The following PKNOX1 variants were observed in gnomAD, a reference collection of about 807,000 sequenced individuals.
PKNOX1 encodes the protein PBX/knotted 1 homeobox 1.
A neutral mutation model predicts 51.9 loss-of-function variants in PKNOX1; 15 were observed. The observed-to-expected ratio is 0.29, with a 90% CI of 0.19 to 0.45. PKNOX1 has a LOEUF of 0.45. Among genes scored for constraint, PKNOX1 ranks in the 20% least tolerant of loss-of-function variants. The pLI is 1.00. For synonymous variants in PKNOX1, 219 were observed against 211.1 expected (o/e 1.04, Z -0.32); for missense variants, 462 against 547.5 (o/e 0.84, Z 1.56).
chr21:43,008,052 A>G (rs234778), intron 3 of PKNOX1, among the ~76,000 whole-genome samples: 135,748 of 151,044 alleles, frequency 0.9, 61,112 homozygotes, highest in African/African-American at 0.92. Context: ...CAACGAGAGC[A>G]AAACTCTGTC....
chr21:43,008,097 A>AC (rs1568897484), intron 3 of PKNOX1, among the ~76,000 whole-genome samples: 5 of 151,394 alleles, frequency 3.3e-5, no homozygotes, highest in African/African-American at 1.2e-4. Flanking sequence ...ACACACACAC[A>AC]AAGATGTTAT....
At chr21:42,978,139 G>T (rs2059006983) in intron 1 of PKNOX1, among the ~76,000 whole-genome samples, 1 of 151,996 alleles carries the variant, frequency 6.6e-6, no homozygotes, top group Admixed American at 6.6e-5. Context: ...CCGAGTAGCT[G>T]GGATAACAGG....
intron 5 of PKNOX1, among the ~76,000 whole-genome samples, chr21:43,014,019 CTT>C (rs149943829): frequency 6.6e-5 from 8 of 120,410 alleles, no homozygotes; most frequent in Non-Finnish European, 1.0e-4. Context: ...TGTCTTTTGC[CTT>C]TTTTTTTTTT....
intron 1 of PKNOX1, among the ~76,000 whole-genome samples, chr21:42,977,943 T>C (rs1226756358): frequency 6.6e-6 from 1 of 152,172 alleles, no homozygotes; most frequent in Non-Finnish European, 1.5e-5. Context: ...TAAGGGAATG[T>C]TGTGGCTGGT....
intron 2 of PKNOX1, 56 bp downstream of exon 2, chr21:43,004,488 T>C: frequency 8.7e-7 from 1 of 1,151,376 alleles, no homozygotes; most frequent in Non-Finnish European, 1.3e-6. Flanking sequence ...CACTCAAGCA[T>C]GAACATTGCT....
At position 43,021,550 on chromosome 21, in the gene PKNOX1, G is replaced by A. The variant is rs565187456; in HGVS notation, c.849+119G>A. 2 of 1,213,976 alleles carry A rather than the reference G, an allele frequency of 1.6e-6. No individual in the cohort carries two copies. The highest frequency in any genetic ancestry group is 2.3e-6 in the Non-Finnish European group (2 of 881,904). 75.2% of individuals were successfully genotyped at this position (1,213,976 alleles called of 1,614,324 possible). A position where few individuals can be genotyped will look rare whatever the true frequency, so the allele number is the denominator to read the frequency against. On this transcript the variant is annotated intron_variant, in intron 8 of 10. Coordinates refer to ENST00000291547, the MANE Select transcript of PKNOX1 (RefSeq NM_004571.5). The surrounding 1 kb of genome is among the most constrained non-coding windows in gnomAD (Gnocchi z 4.6). ...CAGAAAATCAAAGGCCTGACTTTCA[G>A]GACTTTGTGGCATGTCCATAATGTG...
chr21:42,985,083 GTTCGAGCGA>G (rs2059045333), intron 1 of PKNOX1, among the ~76,000 whole-genome samples: 1 of 135,954 alleles, frequency 7.4e-6, no homozygotes, highest in Non-Finnish European at 1.5e-5. Flanking sequence ...TGTCTCCCGG[GTTCGAGCGA>G]TTCTCCTGCC....
At position 43,016,954 on chromosome 21, in the gene PKNOX1, T is replaced by G; in HGVS notation, c.569T>G (p.Val190Gly). 7 of 1,613,176 alleles carry G rather than the reference T, an allele frequency of 4.3e-6. No individual in the cohort carries two copies. The highest frequency in any genetic ancestry group is 5.9e-6 in the Non-Finnish European group (7 of 1,179,700). ...ITGTISPQGIVVPASALQQGN... is the reference protein window; with the variant it reads ...ITGTISPQGIGVPASALQQGN... ...GGCACCATCAGCCCTCAGGGAATTG[T>G]GGTGCCGGCGTCCGCGCTGCAGCAG... Residue 190 changes from valine (V) to glycine (G), a missense_variant, in exon 6 of 11, where the codon GTG (valine) becomes GGG (glycine). Around this residue, in one of 5 missense-constraint regions of PKNOX1, gnomAD observed 126 missense variants for 128.1 expected, o/e 0.98. Coordinates refer to ENST00000291547, the MANE Select transcript of PKNOX1 (RefSeq NM_004571.5).
At position 43,021,188 on chromosome 21, in the gene PKNOX1, C is replaced by T. The variant is rs368962421; in HGVS notation, c.721-115C>T. 38 of 817,046 alleles carry T rather than the reference C, an allele frequency of 4.7e-5. No homozygotes were observed. Among genetic ancestry groups the T allele is most frequent in the African/African-American group, 3.3e-4 (19 of 57,864 alleles). The allele number at this position is 817,046 out of a possible 1,614,324, so 50.6% of individuals were successfully genotyped here. On this transcript the variant is annotated intron_variant, in intron 7 of 10. Transcript: ENST00000291547. This position sits in a 1 kb window ranked among gnomAD's most constrained non-coding sequence, Gnocchi z 4.6. ...ACACAGGGTTCCCGTGCATGGGCCT[C>T]GACTACAATCATTTCCCTGTCCGAT...
intron 1 of PKNOX1, among the ~76,000 whole-genome samples, chr21:42,988,251 A>G (rs760170278): frequency 4.0e-5 from 6 of 151,732 alleles, no homozygotes; most frequent in East Asian, 3.9e-4. Context: ...GGGTTTCACT[A>G]TGTTGGCCAG....
chr21:43,028,571 A>G (rs928315169), intron 9 of PKNOX1, 131 bp from the exon 10 acceptor site: 1 of 775,314 alleles, frequency 1.3e-6, no homozygotes, highest in Non-Finnish European at 2.2e-6. Flanking sequence ...AGTAGTTACT[A>G]TAGTGGAGAA....
intron 1 of PKNOX1, among the ~76,000 whole-genome samples, chr21:42,994,854 T>A (rs985799239): frequency 1.4e-4 from 22 of 151,994 alleles, no homozygotes; most frequent in African/African-American, 5.3e-4. Flanking sequence ...ACAGTGTTTG[T>A]TTTTGAAACC....
intron 8 of PKNOX1, among the ~76,000 whole-genome samples, chr21:43,024,245 C>G (rs1249607573): frequency 1.3e-5 from 2 of 152,258 alleles, no homozygotes; most frequent in Non-Finnish European, 1.5e-5. Context: ...AATTTGTCCC[C>G]CAGCCTGCCT....
intron 7 of PKNOX1, among the ~76,000 whole-genome samples, chr21:43,020,876 G>A (rs1319921683): frequency 6.6e-6 from 1 of 152,222 alleles, no homozygotes; most frequent in Non-Finnish European, 1.5e-5. Context: ...GGCCTCTGCA[G>A]AGCCAAGTCA....
intron 1 of PKNOX1, among the ~76,000 whole-genome samples, chr21:43,003,638 A>G (rs1296398678): frequency 6.6e-6 from 1 of 152,016 alleles, no homozygotes; most frequent in Non-Finnish European, 1.5e-5. Context: ...CCCTGTGCCC[A>G]TTCTTGACCC....
At chr21:43,002,543 G>A (rs1978809874) in intron 1 of PKNOX1, among the ~76,000 whole-genome samples, 2 of 152,008 alleles carry the variant, frequency 1.3e-5, no homozygotes, top group African/African-American at 2.4e-5. Flanking sequence ...TCTGGCCATC[G>A]TGGTGGCTGA....
intron 7 of PKNOX1, among the ~76,000 whole-genome samples, chr21:43,018,806 A>T (rs1205774763): frequency 1.3e-5 from 2 of 151,898 alleles, no homozygotes; most frequent in Admixed American, 6.6e-5. Flanking sequence ...AAGAACATTG[A>T]TTCTGGGCCG....
chr21:43,003,408 T>C (rs895628853), intron 1 of PKNOX1, among the ~76,000 whole-genome samples: 4 of 152,184 alleles, frequency 2.6e-5, no homozygotes, highest in African/African-American at 9.7e-5. Context: ...CACACTTGCC[T>C]GTCTTATGTG....
At chr21:43,016,074 C>T (rs1170866525) in intron 5 of PKNOX1, among the ~76,000 whole-genome samples, 4 of 152,330 alleles carry the variant, frequency 2.6e-5, no homozygotes, top group Admixed American at 2.0e-4. Flanking sequence ...AGCGTAGCCA[C>T]TAAGCTTACA....
Sources: gnomAD v4.1 joint callset for allele counts (sites outside exome capture counted in the v4.1 genomes callset) on GRCh38, gnomAD v4.1.1 for gene constraint, gnomAD v4.1.1 regional missense constraint, Gnocchi (gnomAD v3.1) non-coding constraint, MANE v1.5 for transcripts, NCBI Gene and HGNC (gene_info 2026-07-23, HGNC 2026-07-21) for gene names.